The following EPHB1 variants were observed in gnomAD, a reference collection of about 807,000 sequenced individuals.
EPHB1 encodes the protein ephrin type-B receptor 1.
EPHB1 carries 30 observed loss-of-function variants against 94.4 expected under a neutral mutation model. The observed-to-expected ratio is 0.32, with a 90% confidence interval of 0.24 to 0.43. The LOEUF is 0.43. Ranked by LOEUF, EPHB1 falls within the 20% of genes least tolerant of loss-of-function variation. EPHB1 has a pLI of 1.00. For synonymous variants in EPHB1, 522 were observed against 489.1 expected (o/e 1.07, Z -0.89); for missense variants, 1,055 against 1,308.3 (o/e 0.81, Z 2.99).
chr3:134,906,430 T>C (rs1386404198), intron 1 of EPHB1, among the ~76,000 whole-genome samples: 1 of 152,252 alleles, frequency 6.6e-6, no homozygotes, highest in Non-Finnish European at 1.5e-5. Flanking sequence ...GGTATGCTGA[T>C]AGCTGTAAGA....
chr3:135,143,285 C>T (rs112535934), intron 5 of EPHB1, among the ~76,000 whole-genome samples: 30,920 of 152,066 alleles, frequency 0.2, 3,995 homozygotes, highest in Non-Finnish European at 0.29. Context: ...GATGGAAGCC[C>T]GCCTGTGCAG....
At chr3:134,833,952 G>C (rs2036625562) in intron 1 of EPHB1, among the ~76,000 whole-genome samples, 1 of 152,174 alleles carries the variant, frequency 6.6e-6, no homozygotes, top group Non-Finnish European at 1.5e-5. Flanking sequence ...TAAGAGGATG[G>C]TTTCTCAACC....
At chr3:135,091,963 T>G (rs1938572696) in intron 3 of EPHB1, among the ~76,000 whole-genome samples, 2 of 152,230 alleles carry the variant, frequency 1.3e-5, no homozygotes, top group Non-Finnish European at 2.9e-5. Flanking sequence ...TCTTCATTTA[T>G]CTTAAGAACT....
intron 4 of EPHB1, among the ~76,000 whole-genome samples, chr3:135,109,534 T>C (rs545786951): frequency 3.9e-5 from 6 of 152,356 alleles, no homozygotes; most frequent in African/African-American, 1.4e-4. Flanking sequence ...GCAGCAGATA[T>C]TGAAGCTTCC....
At chr3:135,169,051 TCTC>T (rs200348834) in intron 9 of EPHB1, among the ~76,000 whole-genome samples, 342 of 152,204 alleles carry the variant, frequency 2.2e-3, no homozygotes, top group African/African-American at 8.1e-3. Context: ...ATCTGGCTGT[TCTC>T]CTGCTCTCGA....
intron 3 of EPHB1, among the ~76,000 whole-genome samples, chr3:134,961,484 T>C (rs978185749): frequency 6.6e-6 from 1 of 152,250 alleles, no homozygotes; most frequent in African/African-American, 2.4e-5. Flanking sequence ...CAATTTACCT[T>C]TTTTTGTTGT....
At chr3:135,053,249 T>C (rs1245509825) in intron 3 of EPHB1, among the ~76,000 whole-genome samples, 4 of 151,582 alleles carry the variant, frequency 2.6e-5, no homozygotes, top group African/African-American at 9.7e-5. Context: ...CCCCCAAATA[T>C]CCTGACTTGA....
intron 3 of EPHB1, among the ~76,000 whole-genome samples, chr3:135,042,833 A>G (rs1281370371): frequency 1.3e-5 from 2 of 152,060 alleles, no homozygotes; most frequent in Non-Finnish European, 2.9e-5. Flanking sequence ...GTATGTATTT[A>G]TTTATTTTTT....
intron 3 of EPHB1, among the ~76,000 whole-genome samples, chr3:135,039,655 C>T (rs1465962915): frequency 1.3e-5 from 2 of 152,230 alleles, no homozygotes; most frequent in South Asian, 2.1e-4. Flanking sequence ...GTACACCCTC[C>T]GCAGCCACTG....
At chr3:135,192,873 T>C in intron 11 of EPHB1, 50 bp downstream of exon 11, 2 of 1,592,846 alleles carry the variant, frequency 1.3e-6, no homozygotes, top group Non-Finnish European at 1.7e-6. Flanking sequence ...AGGTGAATGA[T>C]GGCTGGGGAG....
chr3:134,986,646 T>C (rs1036919190), intron 3 of EPHB1, among the ~76,000 whole-genome samples: 1 of 151,886 alleles, frequency 6.6e-6, no homozygotes, highest in African/African-American at 2.4e-5. Flanking sequence ...TTCTTCAGAC[T>C]TTGCGGCCAA....
chr3:135,043,189 T>A (rs1936903675), intron 3 of EPHB1, among the ~76,000 whole-genome samples: 1 of 151,918 alleles, frequency 6.6e-6, no homozygotes, highest in Non-Finnish European at 1.5e-5. Context: ...AATGCCAGAG[T>A]ATTGAATTTA....
At chr3:134,815,188 G>A (rs1456708238) in intron 1 of EPHB1, among the ~76,000 whole-genome samples, 2 of 152,106 alleles carry the variant, frequency 1.3e-5, no homozygotes, top group African/African-American at 2.4e-5. Flanking sequence ...TTCAGGGAGT[G>A]GGTCTCCTTA....
intron 1 of EPHB1, among the ~76,000 whole-genome samples, chr3:134,886,506 T>A (rs573619955): frequency 6.6e-6 from 1 of 152,304 alleles, no homozygotes; most frequent in South Asian, 2.1e-4. Context: ...TCTGGGATGT[T>A]GCAAAGGTGA....
chr3:135,104,613 T>C (rs1304232113), intron 3 of EPHB1, among the ~76,000 whole-genome samples: 2 of 152,186 alleles, frequency 1.3e-5, no homozygotes, highest in Non-Finnish European at 2.9e-5. Flanking sequence ...TGAAAAAACA[T>C]AGCATTTTAA....
intron 12 of EPHB1, among the ~76,000 whole-genome samples, chr3:135,240,361 A>G (rs977083064): frequency 6.6e-6 from 1 of 152,088 alleles, no homozygotes; most frequent in Non-Finnish European, 1.5e-5. Flanking sequence ...AGGTAAACAA[A>G]ACTGGCTAAG....
chr3:135,014,139 G>A (rs1484858619), intron 3 of EPHB1, among the ~76,000 whole-genome samples: 1 of 152,182 alleles, frequency 6.6e-6, no homozygotes, highest in African/African-American at 2.4e-5. Flanking sequence ...TAGGATGTGG[G>A]CACCTGATCT....
intron 1 of EPHB1, among the ~76,000 whole-genome samples, chr3:134,920,078 A>G (rs2038652940): frequency 6.6e-6 from 1 of 151,938 alleles, no homozygotes; most frequent in African/African-American, 2.4e-5. Flanking sequence ...ATCTAGTTGC[A>G]TGGTTATTGG....
At chr3:135,024,487 T>A (rs1936079830) in intron 3 of EPHB1, among the ~76,000 whole-genome samples, 2 of 152,122 alleles carry the variant, frequency 1.3e-5, no homozygotes, top group South Asian at 4.1e-4. Flanking sequence ...GAAACACGGA[T>A]GGACATCGCC....
Sources: allele counts gnomAD v4.1 joint callset (sites outside exome capture counted in the v4.1 genomes callset), GRCh38; gene constraint gnomAD v4.1.1; transcripts MANE v1.5; gene names NCBI Gene and HGNC (gene_info 2026-07-23, HGNC 2026-07-21).